The following LANCL1 variants were observed in gnomAD, a reference collection of about 807,000 sequenced individuals.
LANCL1 encodes glutathione S-transferase LANCL1.
A neutral mutation model predicts 50.6 loss-of-function variants in LANCL1; 50 were observed. That is an observed-to-expected ratio of 0.99 (90% CI 0.79 to 1.25). LANCL1 has a LOEUF of 1.25. LANCL1 is among the 50% of genes most tolerant of loss of function. The pLI, the probability that LANCL1 is intolerant of heterozygous loss-of-function variation, is 0.00. For synonymous variants in LANCL1, 188 were observed against 178.6 expected, an observed-to-expected ratio of 1.05 and a Z score of -0.42; for missense variants, 532 against 480.7, an observed-to-expected ratio of 1.11 and a Z score of -1.00.
intron 4 of LANCL1, among the ~76,000 whole-genome samples, chr2:210,452,824 G>T (rs1559713812): frequency 6.6e-6 from 1 of 152,100 alleles, no homozygotes; most frequent in Non-Finnish European, 1.5e-5. Context: ...AAGCTAGCTA[G>T]AACATGATGT....
intron 1 of LANCL1, 49 bp downstream of exon 1, chr2:210,476,571 G>A (rs1030149757): frequency 3.6e-6 from 5 of 1,388,632 alleles, no homozygotes; most frequent in Non-Finnish European, 3.7e-6. Context: ...CGGCCCAACT[G>A]CTAGGACATG....
intron 3 of LANCL1, chr2:210,460,358 G>A (rs1693814740): frequency 6.6e-6 from 1 of 152,124 alleles, no homozygotes; most frequent in Non-Finnish European, 1.5e-5. Context: ...AGAATGACAT[G>A]GAGACAGGAA....
At position 210,434,545 on chromosome 2, in the gene LANCL1, T is replaced by TA; in HGVS notation, c.1141dup (p.Tyr381LeufsTer5). The TA allele has an allele frequency of 1.2e-6, 2 of 1,613,314 alleles. No homozygotes were observed. Among genetic ancestry groups the TA allele is most frequent in the Non-Finnish European group, 1.7e-6 (2 of 1,179,612 alleles). On this transcript the variant is annotated frameshift_variant, in exon 10 of 10. Coordinates refer to ENST00000450366, the MANE Select transcript of LANCL1 (RefSeq NM_006055.3). LOFTEE classifies it high-confidence loss of function. ...GGGGACTAGCAGGTCAGCCAGGAAATATATTGTTCCAGCCATTCCTGAAGA... is the reference window on the plus strand; with the variant it reads ...GGGGACTAGCAGGTCAGCCAGGAAATAATATTGTTCCAGCCATTCCTGAAGA...
At chr2:210,462,358 A>G (rs1693890080) in intron 3 of LANCL1, among the ~76,000 whole-genome samples, 1 of 152,240 alleles carries the variant, frequency 6.6e-6, no homozygotes, top group Non-Finnish European at 1.5e-5. Flanking sequence ...TAAGGCTAAA[A>G]ATGAACAACT....
chr2:210,439,204 T>C (rs1415612914), intron 6 of LANCL1, among the ~76,000 whole-genome samples: 4 of 152,228 alleles, frequency 2.6e-5, no homozygotes. Flanking sequence ...GAATAGACTT[T>C]CAGGATTAAA....
rs1260386939 is a variant in LANCL1 at position 210,433,511 on chromosome 2, A to C, written c.*976T>G. On this transcript the variant is annotated 3_prime_UTR_variant, in exon 10 of 10. Coordinates refer to ENST00000450366, the MANE Select transcript of LANCL1 (RefSeq NM_006055.3). ...TTAGTGAAAAGACCAAAGTTCAGAT[A>C]AATTGATAGGAAGGAAAATATTTTA... 1 of 152,218 alleles carries C rather than the reference A, an allele frequency of 6.6e-6. No individual in the cohort carries two copies. The highest frequency in any genetic ancestry group is 1.5e-5 in the Non-Finnish European group (1 of 68,036). The allele number at this position is 152,218 out of a possible 1,614,324, so 9.4% of individuals were successfully genotyped here.
intron 3 of LANCL1, among the ~76,000 whole-genome samples, chr2:210,457,469 G>A (rs1457523596): frequency 6.6e-6 from 1 of 152,146 alleles, no homozygotes; most frequent in Non-Finnish European, 1.5e-5. Flanking sequence ...AGGGATGGTT[G>A]GCAAGGTGGG....
chr2:210,471,993 G>C lies in LANCL1; in HGVS notation c.165C>G (p.Asp55Glu). 2 of 1,614,008 alleles carry C rather than the reference G, an allele frequency of 1.2e-6. No individual in the cohort carries two copies. The highest frequency in any genetic ancestry group is 1.7e-6 in the Non-Finnish European group (2 of 1,179,866). The change falls in exon 3 of 10, where the codon GAC becomes GAG. Residue 55 changes from aspartate to glutamate, a missense_variant. Physicochemically the swap from Asp to Glu is conservative, Grantham distance 45. Transcript: ENST00000450366. The stretch of plus-strand genomic sequence containing the variant: ...CAGTGTAACCGGTGCCATCCCGAGG[G>C]TCTGCTGATTTCAGGCCTCTCTCCA... ...QQMERGLKSA[D>E]PRDGTGYTGW...
chr2:210,460,974 A>G (rs1693837773), intron 3 of LANCL1: 1 of 152,174 alleles, frequency 6.6e-6, no homozygotes, highest in Non-Finnish European at 1.5e-5. Flanking sequence ...AAAAACAGGG[A>G]AACATTGTTT....
rs568460187 is a variant in LANCL1 at position 210,444,182 on chromosome 2, C to G, written c.408-2739G>C. Among the ~76,000 whole-genome samples, 4 of 152,188 alleles carry G rather than the reference C, an allele frequency of 2.6e-5. No individual in the cohort carries two copies. In the East Asian group the frequency reaches 7.7e-4, roughly 29 times the overall value. On this transcript the variant is annotated intron_variant, in intron 4 of 9. Transcript: ENST00000450366. ...CTTTACTGCCAGTCTCTGGAGACCA[C>G]CAATATGTACAACAAAAACAAACAA...
intron 3 of LANCL1, among the ~76,000 whole-genome samples, chr2:210,463,528 G>A (rs757047505): frequency 1.3e-5 from 2 of 152,196 alleles, no homozygotes; most frequent in Admixed American, 1.3e-4. Flanking sequence ...CACGAAGAGT[G>A]TTTTAATCTT....
intron 3 of LANCL1, among the ~76,000 whole-genome samples, chr2:210,457,974 G>T (rs1693720461): frequency 6.6e-6 from 1 of 152,154 alleles, no homozygotes; most frequent in South Asian, 2.1e-4. Flanking sequence ...TGAACAACAG[G>T]ATGCAGTGGG....
chr2:210,454,432 A>G (rs1329640017), intron 4 of LANCL1, among the ~76,000 whole-genome samples: 9 of 152,178 alleles, frequency 5.9e-5, no homozygotes, highest in Admixed American at 5.2e-4. Flanking sequence ...ACAGTAATCT[A>G]TAAGAAAGAA....
chr2:210,470,327 A>C (rs1043074735), intron 3 of LANCL1, among the ~76,000 whole-genome samples: 2 of 152,168 alleles, frequency 1.3e-5, no homozygotes, highest in Non-Finnish European at 2.9e-5. Flanking sequence ...AAAATGGTCC[A>C]ACATTATCTA....
chr2:210,472,368 T>C, intron 2 of LANCL1, among the ~76,000 whole-genome samples: 1 of 152,222 alleles, frequency 6.6e-6, no homozygotes, highest in Admixed American at 6.5e-5. Context: ...AATCGTCTAT[T>C]ATTTAAACCA....
At chr2:210,450,715 A>G (rs986222908) in intron 4 of LANCL1, among the ~76,000 whole-genome samples, 4 of 152,262 alleles carry the variant, frequency 2.6e-5, no homozygotes, top group Non-Finnish European at 5.9e-5. Context: ...TGTGGCCAAC[A>G]AAGATATGAA....
At chr2:210,474,902 C>CAAGACACAT (rs1694314936) in intron 2 of LANCL1, among the ~76,000 whole-genome samples, 1 of 152,144 alleles carries the variant, frequency 6.6e-6, no homozygotes, top group Non-Finnish European at 1.5e-5. Flanking sequence ...TCCCGCAAGA[C>CAAGACACAT]AAGACACATA....
At chr2:210,445,511 C>T (rs1693295140) in intron 4 of LANCL1, among the ~76,000 whole-genome samples, 2 of 151,856 alleles carry the variant, frequency 1.3e-5, no homozygotes, top group Admixed American at 6.6e-5. Flanking sequence ...ATTCAAATCA[C>T]TAAAATTCAT....
At chr2:210,472,347 C>T (rs777502425) in intron 2 of LANCL1, among the ~76,000 whole-genome samples, 11 of 152,056 alleles carry the variant, frequency 7.2e-5, no homozygotes, top group Non-Finnish European at 1.5e-4. Flanking sequence ...AGTAATTTTC[C>T]ACCTAATAGT....
Sources: allele counts gnomAD v4.1 joint callset (sites outside exome capture counted in the v4.1 genomes callset), GRCh38; gene constraint gnomAD v4.1.1; transcripts MANE v1.5; gene names NCBI Gene and HGNC (gene_info 2026-07-23, HGNC 2026-07-21).